The following IRF4 variants were observed in gnomAD, a reference collection of about 807,000 sequenced individuals.
IRF4 encodes lymphocyte-specific interferon regulatory factor.
In IRF4, 13 loss-of-function variants were observed where a neutral mutation model predicts 55.5. That is an observed-to-expected ratio of 0.23 (90% CI 0.15 to 0.37). IRF4 has a LOEUF of 0.37. Ranked by LOEUF, IRF4 falls within the 10% of genes least tolerant of loss-of-function variation. The pLI is 1.00. For missense variants in IRF4, 397 were observed against 593.8 expected, an observed-to-expected ratio of 0.67 and a Z score of 3.44; for synonymous variants, 249 against 240.7, an observed-to-expected ratio of 1.03 and a Z score of -0.32.
Position 397,188 on chromosome 6 carries a change from G to A in IRF4, c.573G>A (p.Pro191=), listed in dbSNP as rs143640869. 9.3e-6 allele frequency: 15 copies of A among 1,614,274 alleles called. No homozygotes were observed. Among genetic ancestry groups the A allele is most frequent in the Middle Eastern group, 1.6e-4 (1 of 6,062 alleles). ...YVPDQPHPEI[P]YQCPMTFGPR... is the part of the protein sequence containing the mutation. Reference sequence around the variant, plus strand: ...CGGATCAGCCACACCCGGAAATCCCGTACCAATGTCCCATGACGTTTGGAC... The same window carrying A: ...CGGATCAGCCACACCCGGAAATCCCATACCAATGTCCCATGACGTTTGGAC... The change falls in exon 5 of 9, where the codon CCG becomes CCA. Residue 191 remains proline, a synonymous_variant. Transcript: ENST00000380956.
intron 8 of IRF4, among the ~76,000 whole-genome samples, chr6:406,552 CAAAA>C (rs56116020): frequency 6.0e-5 from 9 of 151,162 alleles, no homozygotes; most frequent in African/African-American, 1.9e-4. Context: ...AAAAAAAAAA[CAAAA>C]AAAGAAGTTG....
rs917179944 is a variant in IRF4 at position 408,459 on chromosome 6, C to T, written c.*861C>T. 1.7e-5 allele frequency: 4 copies of T among 229,822 alleles called. No homozygotes were observed. In the East Asian group the frequency reaches 2.5e-4, roughly 14 times the overall value. The allele number at this position is 229,822 out of a possible 1,614,324, so 14.2% of individuals were successfully genotyped here. A position where few individuals can be genotyped will look rare whatever the true frequency, so the allele number is the denominator to read the frequency against. On this transcript the variant is annotated 3_prime_UTR_variant, in exon 9 of 9. Coordinates refer to ENST00000380956, the MANE Select transcript of IRF4 (RefSeq NM_002460.4). ...TAGTAAACTTCCTATTTTCTTGAGT[C>T]AAAAAACATGAGCGCTACTCTTGGA...
rs559953854 is a variant in IRF4 at position 411,326 on chromosome 6, A to G, written c.*3728A>G. 4 of 221,646 alleles carry G rather than the reference A, an allele frequency of 1.8e-5. No homozygotes were observed. Among genetic ancestry groups the G allele is most frequent in the African/African-American group, 8.9e-5 (4 of 44,784 alleles). 13.7% of individuals were successfully genotyped at this position (221,646 alleles called of 1,614,324 possible). On this transcript the variant is annotated 3_prime_UTR_variant, in exon 9 of 9. Coordinates refer to ENST00000380956, the MANE Select transcript of IRF4 (RefSeq NM_002460.4). ...GATGCTTCACAAACTGAGGTAGATA[A>G]TGCTATGCTGTCGTTGGTATACATC...
At position 398,854 on chromosome 6, in the gene IRF4, G is replaced by A; in HGVS notation, c.664G>A (p.Ala222Thr). ...NGCQVTGTFYACAPPESQAPG... is the reference protein window; with the variant it reads ...NGCQVTGTFYTCAPPESQAPG... ...TTGCCAGGTGACAGGAACCTTTTATGCTTGTGCCCCACCTGAGTCCCAGGC... is the reference window on the plus strand; with the variant it reads ...TTGCCAGGTGACAGGAACCTTTTATACTTGTGCCCCACCTGAGTCCCAGGC... Residue 222 changes from alanine to threonine, a missense_variant, in exon 6 of 9, where the codon GCT (alanine) becomes ACT (threonine). Physicochemically the swap from Ala to Thr is moderately conservative, Grantham distance 58. Coordinates refer to ENST00000380956, the MANE Select transcript of IRF4 (RefSeq NM_002460.4). 1.9e-6 allele frequency: 3 copies of A among 1,613,726 alleles called. No homozygotes were observed. Among genetic ancestry groups the A allele is most frequent in the Non-Finnish European group, 2.5e-6 (3 of 1,179,796 alleles).
chr6:393,106 AG>A lies in IRF4; in HGVS notation c.-46del. ...AGCTCTTCTCCCCGCAGTGCAGAGC[AG>A]AGCGGGCGGAGGACCCCGGGCGCGG... On this transcript the variant is annotated 5_prime_UTR_variant, in exon 2 of 9. Coordinates refer to ENST00000380956, the MANE Select transcript of IRF4 (RefSeq NM_002460.4). This position sits in a 1 kb window ranked among gnomAD's most constrained non-coding sequence, Gnocchi z 5.4. The A allele has an allele frequency of 6.6e-7, 1 of 1,514,482 alleles. No homozygotes were observed. The highest frequency in any genetic ancestry group is 2.2e-4 in the Middle Eastern group (1 of 4,530). The allele number at this position is 1,514,482 out of a possible 1,614,324, so 93.8% of individuals were successfully genotyped here. A position where few individuals can be genotyped will look rare whatever the true frequency, so the allele number is the denominator to read the frequency against.
In IRF4 at chr6:401,626, C is replaced by T. The variant is rs778883066; in HGVS notation, c.948C>T (p.Val316=). 1.2e-6 allele frequency: 2 copies of T among 1,614,208 alleles called. No individual in the cohort carries two copies. Among genetic ancestry groups the T allele is most frequent in the Non-Finnish European group, 1.7e-6 (2 of 1,180,046 alleles). Residue 316 remains valine (V), a synonymous_variant, in exon 7 of 9, where the codon GTC becomes GTT. Transcript: ENST00000380956. ...KLLSHLERGV[V]LWMAPDGLYA... is the part of the protein sequence containing the mutation. ...TGAGCCACCTGGAGAGGGGCGTGGT[C>T]CTCTGGATGGCCCCCGACGGGCTCT...
chr6:401,222 G>A (rs1003668410), intron 6 of IRF4, among the ~76,000 whole-genome samples: 2 of 152,192 alleles, frequency 1.3e-5, no homozygotes, highest in Admixed American at 6.5e-5. Flanking sequence ...AGTGTTGACC[G>A]AGCTCATGCT....
intron 7 of IRF4, among the ~76,000 whole-genome samples, chr6:403,594 G>C (rs926996811): frequency 2.0e-5 from 3 of 152,260 alleles, no homozygotes; most frequent in African/African-American, 7.2e-5. Flanking sequence ...TCCTGGGGCT[G>C]TAGACTTGCG....
intron 6 of IRF4, 127 bp downstream of exon 6, chr6:399,062 T>A: frequency 1.8e-6 from 1 of 549,830 alleles, no homozygotes; most frequent in Non-Finnish European, 3.2e-6. Context: ...CTGGAGTAGA[T>A]GTAGACACAT....
At chr6:392,097 A>C (rs1317818542) in intron 1 of IRF4, among the ~76,000 whole-genome samples, 1 of 152,006 alleles carries the variant, frequency 6.6e-6, no homozygotes, top group African/African-American at 2.4e-5. Flanking sequence ...AGCTAACCGG[A>C]CTGTCGGGGC....
Position 410,179 on chromosome 6 carries a change from T to G in IRF4, c.*2581T>G. The G allele has an allele frequency of 4.4e-6, 1 of 229,494 alleles. No individual in the cohort carries two copies. The highest frequency in any genetic ancestry group is 8.7e-6 in the Non-Finnish European group (1 of 115,604). The allele number at this position is 229,494 out of a possible 1,614,324, so 14.2% of individuals were successfully genotyped here. A position where few individuals can be genotyped will look rare whatever the true frequency, so the allele number is the denominator to read the frequency against. On this transcript the variant is annotated 3_prime_UTR_variant, in exon 9 of 9. Coordinates refer to ENST00000380956, the MANE Select transcript of IRF4 (RefSeq NM_002460.4). ...GTTTGTACTCAGTGGACAGTGCTGT[T>G]GAAGATTTGAGGACTTGTTAAAGAG...
At position 407,891 on chromosome 6, in the gene IRF4, G is replaced by A; in HGVS notation, c.*293G>A. The A allele has an allele frequency of 5.7e-6, 2 of 351,850 alleles. No homozygotes were observed. The highest frequency in any genetic ancestry group is 1.0e-4 in the East Asian group (2 of 19,358). The allele number at this position is 351,850 out of a possible 1,614,324, so 21.8% of individuals were successfully genotyped here. Reference sequence around the variant, plus strand: ...TTACTGTTTTGAGGAATTCAGAAGTGGAGATTTCAGTTCAGCGGTTGAGGA... The same window carrying A: ...TTACTGTTTTGAGGAATTCAGAAGTAGAGATTTCAGTTCAGCGGTTGAGGA... On this transcript the variant is annotated 3_prime_UTR_variant, in exon 9 of 9. Transcript: ENST00000380956.
At position 407,629 on chromosome 6, in the gene IRF4, CTTTTTTT is replaced by C. The variant is rs566047868; in HGVS notation, c.*44_*50del. On this transcript the variant is annotated 3_prime_UTR_variant, in exon 9 of 9. Coordinates refer to ENST00000380956, the MANE Select transcript of IRF4 (RefSeq NM_002460.4). Reference sequence around the variant, plus strand: ...GTCAAGATGAGTGGTTTTCTTTTTCCTTTTTTTTTTTTTTTTTTTGATACGGGGATAC... The same window carrying C: ...GTCAAGATGAGTGGTTTTCTTTTTCCTTTTTTTTTTTTGATACGGGGATAC... 570 of 1,284,656 alleles carry C rather than the reference CTTTTTTT, an allele frequency of 4.4e-4. No individual in the cohort carries two copies. The highest frequency in any genetic ancestry group is 5.6e-4 in the African/African-American group (34 of 60,904). The allele number at this position is 1,284,656 out of a possible 1,614,324, so 79.6% of individuals were successfully genotyped here.
At position 410,947 on chromosome 6, in the gene IRF4, G is replaced by A. The variant is rs1761685969; in HGVS notation, c.*3349G>A. On this transcript the variant is annotated 3_prime_UTR_variant, in exon 9 of 9. Transcript: ENST00000380956. ...TTTGAGACTGATCTCGATGCAGGTG[G>A]ATCTCCTTGAGATCCTGATAGCCTG... 1 of 232,644 alleles carries A rather than the reference G, an allele frequency of 4.3e-6. No homozygotes were observed. 14.4% of individuals were successfully genotyped at this position (232,644 alleles called of 1,614,324 possible).
chr6:396,588 C>G (rs1761265805), intron 4 of IRF4, among the ~76,000 whole-genome samples: 1 of 145,834 alleles, frequency 6.9e-6, no homozygotes. Context: ...ACTCCTTTAC[C>G]CCCGTCTCGA....
chr6:395,397 G>T (rs894333750), intron 3 of IRF4, among the ~76,000 whole-genome samples: 1 of 152,170 alleles, frequency 6.6e-6, no homozygotes, highest in Admixed American at 6.5e-5. Flanking sequence ...TCATCACTAT[G>T]CATGGTAATA....
intron 6 of IRF4, among the ~76,000 whole-genome samples, chr6:400,264 A>G (rs928781940): frequency 1.3e-5 from 2 of 152,160 alleles, no homozygotes; most frequent in African/African-American, 4.8e-5. Context: ...GATAACTGTG[A>G]TTCCCATTGA....
intron 8 of IRF4, 62 bp from the exon 9 acceptor site, chr6:407,393 G>A: frequency 2.0e-6 from 3 of 1,475,036 alleles, no homozygotes; most frequent in South Asian, 2.5e-5. Flanking sequence ...TCTGAGTGCT[G>A]TTTAATAGTG....
In IRF4 at chr6:411,197, CT is replaced by C. The variant is rs1360464534; in HGVS notation, c.*3602del. On this transcript the variant is annotated 3_prime_UTR_variant, in exon 9 of 9. Coordinates refer to ENST00000380956, the MANE Select transcript of IRF4 (RefSeq NM_002460.4). ...CCTCTTCAGCATCCCCCGTACCCCA[CT>C]TTCTGCTGAAAGAACTGCCAGCAGG... 3.9e-5 allele frequency: 9 copies of C among 230,910 alleles called. No homozygotes were observed. The highest frequency in any genetic ancestry group is 1.5e-4 in the African/African-American group (7 of 45,170). The allele number at this position is 230,910 out of a possible 1,614,324, so 14.3% of individuals were successfully genotyped here.
Sources: gnomAD v4.1 joint callset for allele counts (sites outside exome capture counted in the v4.1 genomes callset) on GRCh38, gnomAD v4.1.1 for gene constraint, Gnocchi (gnomAD v3.1) non-coding constraint, MANE v1.5 for transcripts, NCBI Gene and HGNC (gene_info 2026-07-23, HGNC 2026-07-21) for gene names.